TANC2: variants seen among roughly 807,000 people sequenced by gnomAD.
TANC2 encodes protein TANC2.
A neutral mutation model predicts 210.5 loss-of-function variants in TANC2; 26 were observed. The ratio of observed to expected loss-of-function variants is 0.12; its 90% confidence interval spans 0.09 to 0.17. The LOEUF (loss-of-function observed/expected upper bound fraction) is 0.17, where lower values mean the gene tolerates loss of function less well. TANC2 is among the 10% of genes least tolerant of loss of function. The pLI, the probability that TANC2 is intolerant of heterozygous loss-of-function variation, is 1.00. For missense variants in TANC2, 2,129 were observed against 2,608.9 expected (o/e 0.82, Z 4.01); for synonymous variants, 931 against 967.1 (o/e 0.96, Z 0.69).
At chr17:63,151,335 A>G (rs1288107159) in exon 5 of TANC2, 7 of 985,372 alleles carry the variant, frequency 7.1e-6, no homozygotes, top group Non-Finnish European at 8.4e-6. Context: ...TGGCTCACCA[A>G]CCCTCACTTC....
At chr17:63,253,032 C>A (rs1418521967) in intron 8 of TANC2, among the ~76,000 whole-genome samples, 1 of 152,100 alleles carries the variant, frequency 6.6e-6, no homozygotes, top group African/African-American at 2.4e-5. Context: ...TTTGAGTAAC[C>A]TCTGTACCAT....
At chr17:63,414,583 T>C (rs2048802984) in intron 25 of TANC2, among the ~76,000 whole-genome samples, 1 of 152,244 alleles carries the variant, frequency 6.6e-6, no homozygotes, top group South Asian at 2.1e-4. Context: ...TAACTTCTGG[T>C]ATTCTGAGGC....
chr17:63,330,844 G>A (rs2045816102), intron 11 of TANC2, among the ~76,000 whole-genome samples: 1 of 152,180 alleles, frequency 6.6e-6, no homozygotes, highest in South Asian at 2.1e-4. Flanking sequence ...GAGAGGCCGA[G>A]GTGGGTGGAT....
At chr17:63,298,641 C>A (rs1032713090) in intron 9 of TANC2, among the ~76,000 whole-genome samples, 7 of 152,024 alleles carry the variant, frequency 4.6e-5, no homozygotes, top group African/African-American at 7.2e-5. Flanking sequence ...TACTAGATGC[C>A]ATTGAATTGT....
intron 7 of TANC2, among the ~76,000 whole-genome samples, chr17:63,202,063 G>A (rs1461013938): frequency 6.6e-6 from 1 of 152,082 alleles, no homozygotes; most frequent in East Asian, 1.9e-4. Context: ...CTTATAGTTA[G>A]GTATGGAGAT....
chr17:63,421,662 C>T lies in TANC2; in HGVS notation c.5932C>T (p.Pro1978Ser), dbSNP rs1397149525. The change falls in exon 28 of 28, where the codon CCA becomes TCA. Residue 1978 changes from proline to serine, a missense_variant. Around this residue, in one of 5 missense-constraint regions of TANC2, gnomAD observed 161 missense variants for 178.6 expected, o/e 0.90. Coordinates refer to ENST00000689528, the Ensembl canonical transcript of TANC2. The surrounding 1 kb of genome is among the most constrained non-coding windows in gnomAD (Gnocchi z 6.9). Reference sequence around the variant, plus strand: ...GCCTCAGCCTGAGTCCTTCAGTCCACCATCATCCATCAGCAACATTGCCTT... The same window carrying T: ...GCCTCAGCCTGAGTCCTTCAGTCCATCATCATCCATCAGCAACATTGCCTT... 3.1e-6 allele frequency: 5 copies of T among 1,613,942 alleles called. No homozygotes were observed. The highest frequency in any genetic ancestry group is 4.2e-6 in the Non-Finnish European group (5 of 1,179,912).
chr17:63,272,339 C>T (rs1292575322), intron 9 of TANC2, among the ~76,000 whole-genome samples: 1 of 152,084 alleles, frequency 6.6e-6, no homozygotes, highest in Non-Finnish European at 1.5e-5. Flanking sequence ...CAGTACCATG[C>T]TGTTTTGGTT....
At chr17:63,101,749 T>C (rs1220386536) in intron 4 of TANC2, among the ~76,000 whole-genome samples, 1 of 152,220 alleles carries the variant, frequency 6.6e-6, no homozygotes, top group Non-Finnish European at 1.5e-5. Context: ...TAATGCAATA[T>C]GGAAGGGGAT....
At chr17:63,291,729 T>C (rs1448271314) in intron 9 of TANC2, among the ~76,000 whole-genome samples, 1 of 152,206 alleles carries the variant, frequency 6.6e-6, no homozygotes, top group Non-Finnish European at 1.5e-5. Flanking sequence ...TAACATACAT[T>C]TCCTCGTTTA....
chr17:63,143,269 T>A (rs2039349404), intron 4 of TANC2, among the ~76,000 whole-genome samples: 1 of 152,268 alleles, frequency 6.6e-6, no homozygotes, highest in Non-Finnish European at 1.5e-5. Context: ...TACTCTCAGA[T>A]GATTATGCTA....
chr17:62,976,956 GT>G (rs1461973687), intron 1 of TANC2, among the ~76,000 whole-genome samples: 7 of 152,100 alleles, frequency 4.6e-5, no homozygotes, highest in Non-Finnish European at 1.5e-5. Flanking sequence ...AGAATGTGAG[GT>G]CCCGTTCCAG....
chr17:63,007,380 G>T (rs1429720383), intron 1 of TANC2, among the ~76,000 whole-genome samples: 3 of 152,050 alleles, frequency 2.0e-5, no homozygotes, highest in Non-Finnish European at 4.4e-5. Context: ...TGTTTGAATG[G>T]TATATCTTTT....
intron 4 of TANC2, among the ~76,000 whole-genome samples, chr17:63,111,476 C>A (rs911342518): frequency 6.6e-6 from 1 of 152,180 alleles, no homozygotes; most frequent in African/African-American, 2.4e-5. Flanking sequence ...AACATCCCAG[C>A]AATCCTTTTT....
At chr17:63,206,254 G>C (rs1246202875) in intron 7 of TANC2, among the ~76,000 whole-genome samples, 1 of 152,190 alleles carries the variant, frequency 6.6e-6, no homozygotes, top group Non-Finnish European at 1.5e-5. Context: ...TTGCTGCTGG[G>C]AATGTAAATG....
intron 2 of TANC2, among the ~76,000 whole-genome samples, chr17:63,043,265 C>T (rs1598303351): frequency 6.6e-6 from 1 of 152,046 alleles, no homozygotes; most frequent in African/African-American, 2.4e-5. Flanking sequence ...ACTTCTCTAG[C>T]ACATAGTATA....
intron 9 of TANC2, among the ~76,000 whole-genome samples, chr17:63,298,373 G>C (rs2146468844): frequency 6.6e-6 from 1 of 152,254 alleles, no homozygotes; most frequent in South Asian, 2.1e-4. Flanking sequence ...CCATCAAAAG[G>C]AATGAAGTAC....
chr17:63,069,305 T>C (rs1309759847), intron 2 of TANC2, among the ~76,000 whole-genome samples: 1 of 152,200 alleles, frequency 6.6e-6, no homozygotes, highest in East Asian at 1.9e-4. Flanking sequence ...TAGGCAGTCC[T>C]GTGAATTCTA....
Position 63,412,236 on chromosome 17 carries a change from C to T in TANC2, c.3898+106C>T, listed in dbSNP as rs2048726676. ...GTGTGAGTGTATATAGTTCCCCCTC[C>T]TCCCTGGCCCAATTATTGTCCAAGT... On this transcript the variant is annotated intron_variant, in intron 23 of 27. Coordinates refer to ENST00000689528, the Ensembl canonical transcript of TANC2. The surrounding 1 kb of genome is among the most constrained non-coding windows in gnomAD (Gnocchi z 4.2). 1 of 1,461,274 alleles carries T rather than the reference C, an allele frequency of 6.8e-7. No homozygotes were observed. Among genetic ancestry groups the T allele is most frequent in the Admixed American group, 2.1e-5 (1 of 48,542 alleles). 90.5% of individuals were successfully genotyped at this position (1,461,274 alleles called of 1,614,324 possible). A position where few individuals can be genotyped will look rare whatever the true frequency, so the allele number is the denominator to read the frequency against.
chr17:63,155,340 CTCATCA>C (rs558972254), intron 5 of TANC2: 1 of 151,966 alleles, frequency 6.6e-6, no homozygotes, highest in South Asian at 2.1e-4. Context: ...CTTTCTGTTA[CTCATCA>C]TCATCATCAT....
Sources: allele counts gnomAD v4.1 joint callset (sites outside exome capture counted in the v4.1 genomes callset), GRCh38; gene constraint gnomAD v4.1.1; regional missense constraint gnomAD v4.1.1; non-coding constraint Gnocchi (gnomAD v3.1); transcripts MANE v1.5; gene names NCBI Gene and HGNC (gene_info 2026-07-23, HGNC 2026-07-21).